Variants in RAB11FIP3 observed in about 807,000 individuals in gnomAD.
RAB11FIP3 encodes the protein RAB11 family interacting protein 3.
A neutral mutation model predicts 77.8 loss-of-function variants in RAB11FIP3; 17 were observed. That is an observed-to-expected ratio of 0.22 (90% CI 0.15 to 0.33). The LOEUF is 0.33. Among genes scored for constraint, RAB11FIP3 ranks in the 10% least tolerant of loss-of-function variants. The pLI, the probability that RAB11FIP3 is intolerant of heterozygous loss-of-function variation, is 1.00. For missense variants in RAB11FIP3, 1,005 were observed against 1,011.2 expected, an observed-to-expected ratio of 0.99 and a Z score of 0.08; for synonymous variants, 437 against 448.2, an observed-to-expected ratio of 0.98 and a Z score of 0.31.
intron 1 of RAB11FIP3, among the ~76,000 whole-genome samples, chr16:447,640 A>C (rs982769346): frequency 2.0e-5 from 3 of 152,184 alleles, no homozygotes; most frequent in African/African-American, 7.2e-5. Context: ...CAGTGGGCTA[A>C]GGCAGGAGAA....
intron 3 of RAB11FIP3, chr16:475,048 G>A (rs1446782573): frequency 6.4e-7 from 1 of 1,551,712 alleles, no homozygotes; most frequent in East Asian, 2.4e-5. Context: ...TCCTGAAGGT[G>A]TGTACAGAGC....
At chr16:428,635 T>TA (rs2054989549) in intron 1 of RAB11FIP3, among the ~76,000 whole-genome samples, 21 of 152,106 alleles carry the variant, frequency 1.4e-4, no homozygotes, top group Non-Finnish European at 2.8e-4. Context: ...GTCAGATAGC[T>TA]CTCCCAAGGT....
intron 1 of RAB11FIP3, among the ~76,000 whole-genome samples, chr16:430,207 G>C (rs551019593): frequency 2.2e-4 from 34 of 152,294 alleles, no homozygotes; most frequent in African/African-American, 7.5e-4. Context: ...CCTTCATACT[G>C]AGAGGACTGA....
At chr16:483,846 C>T (rs1458025134) in intron 4 of RAB11FIP3, among the ~76,000 whole-genome samples, 2 of 152,048 alleles carry the variant, frequency 1.3e-5, no homozygotes, top group Non-Finnish European at 2.9e-5. Context: ...CTCTTTCAAA[C>T]AAACAACTGC....
chr16:517,204 G>A (rs1194523516), intron 9 of RAB11FIP3, among the ~76,000 whole-genome samples: 1 of 152,206 alleles, frequency 6.6e-6, no homozygotes, highest in East Asian at 1.9e-4. Flanking sequence ...TGACAGGCCT[G>A]CTCGACACCG....
Position 520,388 on chromosome 16 carries a change from C to CG in RAB11FIP3, c.2017-68dup. On this transcript the variant is annotated intron_variant, in intron 12 of 13. Transcript: ENST00000262305. Reference sequence around the variant, plus strand: ...CATCTGAGCTGGAGGCCTTTTTCCCCGGGCAGTCCTTGTCCCTGCTCAGCC... The same window carrying CG: ...CATCTGAGCTGGAGGCCTTTTTCCCCGGGGCAGTCCTTGTCCCTGCTCAGCC... The CG allele has an allele frequency of 3.8e-6, 6 of 1,592,944 alleles. No homozygotes were observed. The Admixed American group carries it at 1.0e-4, about 27-fold the overall frequency.
At chr16:489,136 C>T (rs1596265211) in intron 5 of RAB11FIP3, 136 bp downstream of exon 5, 5 of 1,102,290 alleles carry the variant, frequency 4.5e-6, no homozygotes, top group South Asian at 3.5e-5. Flanking sequence ...AAACCATATT[C>T]AAACATTTTA....
intron 5 of RAB11FIP3, among the ~76,000 whole-genome samples, chr16:494,135 C>T (rs1486002814): frequency 2.3e-5 from 3 of 133,048 alleles, no homozygotes; most frequent in Middle Eastern, 3.8e-3. Flanking sequence ...GTGATCCGCC[C>T]GCCTCGGCCT....
chr16:509,007 G>T (rs948639072), intron 8 of RAB11FIP3, among the ~76,000 whole-genome samples: 2 of 151,508 alleles, frequency 1.3e-5, no homozygotes, highest in Non-Finnish European at 2.9e-5. Flanking sequence ...GGGTTCAAAT[G>T]ATTCTCGTGC....
chr16:516,689 CA>C (rs1448559476), intron 9 of RAB11FIP3, among the ~76,000 whole-genome samples: 2 of 151,852 alleles, frequency 1.3e-5, no homozygotes, highest in African/African-American at 4.8e-5. Context: ...CCAGCCTGGC[CA>C]ACATGGTGAA....
chr16:478,867 G>A (rs1252119233), intron 3 of RAB11FIP3, among the ~76,000 whole-genome samples: 1 of 152,148 alleles, frequency 6.6e-6, no homozygotes, highest in African/African-American at 2.4e-5. Flanking sequence ...TTTGGTGGCT[G>A]AGACACAAGA....
intron 6 of RAB11FIP3, among the ~76,000 whole-genome samples, chr16:502,425 GTGTC>G (rs2141853862): frequency 6.6e-6 from 1 of 152,324 alleles, no homozygotes; most frequent in Admixed American, 6.5e-5. Flanking sequence ...GAGGACACGT[GTGTC>G]TGCTGTCTTC....
At chr16:497,605 C>G (rs1376374603) in intron 6 of RAB11FIP3, among the ~76,000 whole-genome samples, 1 of 152,184 alleles carries the variant, frequency 6.6e-6, no homozygotes, top group Admixed American at 6.5e-5. Flanking sequence ...TTCTCCAGGC[C>G]TCGTGGCTGT....
At chr16:443,217 A>C (rs2055255630) in intron 1 of RAB11FIP3, among the ~76,000 whole-genome samples, 1 of 152,128 alleles carries the variant, frequency 6.6e-6, no homozygotes, top group African/African-American at 2.4e-5. Flanking sequence ...AAGCAGGAGG[A>C]GTCTTGGCAT....
At chr16:427,043 C>A (rs781495872) in intron 1 of RAB11FIP3, among the ~76,000 whole-genome samples, 5 of 152,114 alleles carry the variant, frequency 3.3e-5, no homozygotes, top group Admixed American at 6.5e-5. Context: ...CGCCACCCCC[C>A]CAGGGTGCCT....
intron 1 of RAB11FIP3, among the ~76,000 whole-genome samples, chr16:434,934 G>C (rs1343659347): frequency 6.6e-6 from 1 of 151,794 alleles, no homozygotes; most frequent in Non-Finnish European, 1.5e-5. Context: ...GACCAGGCGC[G>C]GTGGCTCACG....
intron 5 of RAB11FIP3, among the ~76,000 whole-genome samples, chr16:492,540 A>AGGGCCCTTCCCGGGGAGACCC (rs2030655052): frequency 7.3e-6 from 1 of 137,800 alleles, no homozygotes; most frequent in Non-Finnish European, 1.5e-5. Context: ...GAGGCCGTCC[A>AGGGCCCTTCCCGGGGAGACCC]GAATCTTGGA....
intron 5 of RAB11FIP3, 45 bp downstream of exon 5, chr16:489,045 G>T (rs748599640): frequency 6.3e-7 from 1 of 1,579,426 alleles, no homozygotes; most frequent in Non-Finnish European, 8.6e-7. Context: ...TCTTCTTCCC[G>T]TGGTTAGTAG....
chr16:446,107 T>C (rs2055312582), intron 1 of RAB11FIP3, among the ~76,000 whole-genome samples: 1 of 152,042 alleles, frequency 6.6e-6, no homozygotes. Context: ...CCCTGGGTGC[T>C]GGGCATGGGG....
Sources: allele counts gnomAD v4.1 joint callset (sites outside exome capture counted in the v4.1 genomes callset), GRCh38; gene constraint gnomAD v4.1.1; transcripts MANE v1.5; gene names NCBI Gene and HGNC (gene_info 2026-07-23, HGNC 2026-07-21).